Variants in RARB observed in about 807,000 individuals in gnomAD.
RARB encodes the protein retinoic acid receptor beta.
A neutral mutation model predicts 51.9 loss-of-function variants in RARB; 17 were observed. The ratio of observed to expected loss-of-function variants is 0.33; its 90% CI spans 0.22 to 0.49. The LOEUF (loss-of-function observed/expected upper bound fraction) is 0.49, where lower values mean the gene tolerates loss of function less well. RARB is among the 20% of genes least tolerant of loss of function. The pLI, the probability that RARB is intolerant of heterozygous loss-of-function variation, is 0.99. For missense variants in RARB, 369 were observed against 550.8 expected (o/e 0.67, Z 3.30); for synonymous variants, 215 against 195.4 (o/e 1.10, Z -0.84).
chr3:25,470,383 T>C (rs1290319913), intron 2 of RARB, among the ~76,000 whole-genome samples: 1 of 152,248 alleles, frequency 6.6e-6, no homozygotes. Context: ...CAGTGTGGCA[T>C]GTGCTGTGAC....
chr3:24,867,712 G>T (rs567813854), intron 2 of RARB, among the ~76,000 whole-genome samples: 1 of 152,084 alleles, frequency 6.6e-6, no homozygotes, highest in African/African-American at 2.4e-5. Context: ...CCTCAGGGTC[G>T]TTTTTGTGTA....
intron 2 of RARB, among the ~76,000 whole-genome samples, chr3:25,018,874 G>A (rs185869656): frequency 3.9e-5 from 6 of 152,160 alleles, no homozygotes; most frequent in African/African-American, 9.6e-5. Context: ...AAGCACCGGC[G>A]CTGGAAACAC....
chr3:25,359,700 A>C (rs1284258684), intron 5 of RARB, among the ~76,000 whole-genome samples: 1 of 152,088 alleles, frequency 6.6e-6, no homozygotes, highest in Non-Finnish European at 1.5e-5. Flanking sequence ...GTTTCAAATA[A>C]CTTATTTATT....
At chr3:25,372,134 G>C (rs1335039728) in intron 5 of RARB, among the ~76,000 whole-genome samples, 2 of 152,222 alleles carry the variant, frequency 1.3e-5, no homozygotes, top group South Asian at 2.1e-4. Flanking sequence ...GATTTTAAAA[G>C]CAAACAGAAA....
At chr3:24,946,491 C>T (rs1417935101) in intron 2 of RARB, among the ~76,000 whole-genome samples, 2 of 151,702 alleles carry the variant, frequency 1.3e-5, no homozygotes, top group Non-Finnish European at 2.9e-5. Flanking sequence ...ATATGGTTGC[C>T]AAGTTATTTC....
intron 2 of RARB, among the ~76,000 whole-genome samples, chr3:24,942,122 T>C (rs1434735501): frequency 6.6e-6 from 1 of 152,222 alleles, no homozygotes; most frequent in African/African-American, 2.4e-5. Flanking sequence ...AGTGACTTGT[T>C]CAAGGTCACA....
intron 2 of RARB, among the ~76,000 whole-genome samples, chr3:24,917,884 T>C (rs937834091): frequency 1.3e-5 from 2 of 152,200 alleles, no homozygotes; most frequent in Non-Finnish European, 1.5e-5. Context: ...AGAATGATTA[T>C]AAGTAAAGAG....
intron 3 of RARB, among the ~76,000 whole-genome samples, chr3:25,099,428 C>A (rs1699357406): frequency 6.6e-6 from 1 of 151,968 alleles, no homozygotes; most frequent in South Asian, 2.1e-4. Flanking sequence ...CTGAGTGAAG[C>A]ATTTCATTTA....
chr3:25,590,577 G>T (rs565534256), intron 5 of RARB, among the ~76,000 whole-genome samples: 1 of 152,276 alleles, frequency 6.6e-6, no homozygotes, highest in South Asian at 2.1e-4. Context: ...CTGAAGTGCA[G>T]TGGCGTGATC....
chr3:24,950,264 A>G (rs1446367812), intron 2 of RARB, among the ~76,000 whole-genome samples: 2 of 152,186 alleles, frequency 1.3e-5, no homozygotes, highest in Non-Finnish European at 2.9e-5. Context: ...CTTCATTTAA[A>G]ACATTACAGC....
chr3:24,981,175 GT>G (rs1559421082), intron 2 of RARB, among the ~76,000 whole-genome samples: 1 of 152,170 alleles, frequency 6.6e-6, no homozygotes, highest in Non-Finnish European at 1.5e-5. Context: ...TGTATGAGGT[GT>G]CCGTCAGCCC....
chr3:25,138,169 C>A (rs1700059252), intron 4 of RARB, among the ~76,000 whole-genome samples: 3 of 152,064 alleles, frequency 2.0e-5, no homozygotes. Flanking sequence ...CAACATCTGG[C>A]GTGGCCCAAT....
chr3:25,123,634 A>T (rs186998550), intron 3 of RARB, among the ~76,000 whole-genome samples: 1 of 152,310 alleles, frequency 6.6e-6, no homozygotes, highest in Admixed American at 6.5e-5. Context: ...TCTCCTTGCA[A>T]ACTAAAAACT....
chr3:25,581,654 G>A (rs1234516505), intron 5 of RARB, among the ~76,000 whole-genome samples: 2 of 152,230 alleles, frequency 1.3e-5, no homozygotes, highest in African/African-American at 4.8e-5. Context: ...AATTCCCAAT[G>A]TGATGGTATT....
intron 5 of RARB, among the ~76,000 whole-genome samples, chr3:25,415,255 T>C (rs1707671355): frequency 6.6e-6 from 1 of 152,228 alleles, no homozygotes; most frequent in South Asian, 2.1e-4. Context: ...TGGTGCCATA[T>C]CTAAAAAATC....
chr3:25,537,162 T>G (rs1223327189), intron 3 of RARB, among the ~76,000 whole-genome samples: 1 of 152,024 alleles, frequency 6.6e-6, no homozygotes, highest in African/African-American at 2.4e-5. Context: ...CAGAGGAAGT[T>G]GAAAGAGGGG....
At chr3:24,976,004 G>A (rs1696503676) in intron 2 of RARB, among the ~76,000 whole-genome samples, 1 of 152,142 alleles carries the variant, frequency 6.6e-6, no homozygotes, top group Non-Finnish European at 1.5e-5. Context: ...CCACTTATGA[G>A]TGAGAACATG....
At chr3:25,228,468 CT>C (rs1702106452) in intron 5 of RARB, among the ~76,000 whole-genome samples, 2 of 151,916 alleles carry the variant, frequency 1.3e-5, no homozygotes, top group South Asian at 4.1e-4. Flanking sequence ...ATCAGAGTGC[CT>C]TTTATCTCTT....
intron 5 of RARB, among the ~76,000 whole-genome samples, chr3:25,287,963 G>T (rs762089671): frequency 3.3e-5 from 5 of 152,020 alleles, no homozygotes; most frequent in African/African-American, 4.8e-5. Context: ...AAGGGGAGGA[G>T]TGGAAGAAAC....
Sources: allele counts gnomAD v4.1 joint callset (sites outside exome capture counted in the v4.1 genomes callset), GRCh38; gene constraint gnomAD v4.1.1; transcripts MANE v1.5; gene names NCBI Gene and HGNC (gene_info 2026-07-23, HGNC 2026-07-21).